BOK: variants seen among roughly 807,000 people sequenced by gnomAD.
BOK encodes the protein BCL2 family apoptosis regulator BOK.
In BOK, 20 loss-of-function variants were observed where a neutral mutation model predicts 18.3. The observed-to-expected ratio is 1.09, with a 90% CI of 0.77 to 1.59. The LOEUF (loss-of-function observed/expected upper bound fraction) is 1.59. BOK is among the 40% of genes most tolerant of loss of function. BOK has a pLI of 0.00. For synonymous variants in BOK, 173 were observed against 142.4 expected, an observed-to-expected ratio of 1.21 and a Z score of -1.53; for missense variants, 348 against 307.9, an observed-to-expected ratio of 1.13 and a Z score of -0.97.
At position 241,562,413 on chromosome 2, in the gene BOK, C is replaced by G. The variant is rs145137590; in HGVS notation, c.286C>G (p.Leu96Val). 3 of 1,612,344 alleles carry G rather than the reference C, an allele frequency of 1.9e-6. No individual in the cohort carries two copies. Among genetic ancestry groups the G allele is most frequent in the Non-Finnish European group, 2.5e-6 (3 of 1,179,900 alleles). Residue 96 changes from leucine (L) to valine (V), a missense_variant, in exon 3 of 5, where the codon CTG becomes GTG. Transcript: ENST00000318407. This position sits in a 1 kb window ranked among gnomAD's most constrained non-coding sequence, Gnocchi z 4.5. ...CGTGGCGCGTCAGCTGCACATCTCC[C>G]TGCAGTCTGAGCCTGTGGTGACCGA... ...RNVARQLHIS[L>V]QSEPVVTDAF...
Position 241,572,631 on chromosome 2 carries a change from C to T in BOK, c.*209C>T. 1 of 681,332 alleles carries T rather than the reference C, an allele frequency of 1.5e-6. No individual in the cohort carries two copies. Among genetic ancestry groups the T allele is most frequent in the Non-Finnish European group, 2.4e-6 (1 of 412,704 alleles). The allele number at this position is 681,332 out of a possible 1,614,324, so 42.2% of individuals were successfully genotyped here. Reference sequence around the variant, plus strand: ...CTGAGCCTGGAGCTGGGCTTTGGGGCAGCCTGCGACCCTCCCCGCTTGTGT... The same window carrying T: ...CTGAGCCTGGAGCTGGGCTTTGGGGTAGCCTGCGACCCTCCCCGCTTGTGT... On this transcript the variant is annotated 3_prime_UTR_variant, in exon 5 of 5. Coordinates refer to ENST00000318407, the MANE Select transcript of BOK (RefSeq NM_032515.5).
At chr2:241,555,407 G>A (rs535826523), upstream of BOK, among the ~76,000 whole-genome samples, 36 of 147,984 alleles carry the variant, frequency 2.4e-4, no homozygotes, top group Admixed American at 3.4e-4. Flanking sequence ...ACAAAGTCTC[G>A]TTCTGTTGCC....
At chr2:241,554,726 C>A (rs1265788952), upstream of BOK, among the ~76,000 whole-genome samples, 2 of 152,238 alleles carry the variant, frequency 1.3e-5, no homozygotes, top group African/African-American at 2.4e-5. Context: ...GACAGTCTGT[C>A]TGAGAGTGGA....
Position 241,570,259 on chromosome 2 carries a change from G to A in BOK, c.484G>A (p.Ala162Thr). The A allele has an allele frequency of 6.3e-7, 1 of 1,579,372 alleles. No individual in the cohort carries two copies. Among genetic ancestry groups the A allele is most frequent in the Non-Finnish European group, 8.6e-7 (1 of 1,164,224 alleles). ...CLGEFVRKTL[A>T]TWLRRRGGWT... ...GGGGGAGTTCGTGCGCAAGACCCTGGCAACCTGGCTGCGGAGACGCGGCGG... is the reference window on the plus strand; with the variant it reads ...GGGGGAGTTCGTGCGCAAGACCCTGACAACCTGGCTGCGGAGACGCGGCGG... Residue 162 changes from alanine to threonine, a missense_variant, in exon 4 of 5, where the codon GCA becomes ACA. Transcript: ENST00000318407.
In BOK at chr2:241,562,979, C is replaced by T. The variant is rs115841724; in HGVS notation, c.349+503C>T. ...TCTGCTGGATTCTGATGGTCAGAAG[C>T]GAGCCTCAGGGCTCCAGCGTCCAGG... On this transcript the variant is annotated intron_variant, in intron 3 of 4. Coordinates refer to ENST00000318407, the MANE Select transcript of BOK (RefSeq NM_032515.5). This position sits in a 1 kb window ranked among gnomAD's most constrained non-coding sequence, Gnocchi z 4.5. 0.16 allele frequency among the ~76,000 whole-genome samples: 24,221 copies of T among 152,196 alleles called. 2,595 individuals carry two copies. The highest frequency in any genetic ancestry group is 0.23 in the Non-Finnish European group (15,971 of 67,976).
rs894945192 is a variant in BOK, at chr2:241,572,535, C to T, written c.*113C>T. ...CCCGAGCCTGGAGCACTCTAACCCT[C>T]GGAGACCCCCTAAGCCCCGTTCCTC... is the stretch of plus-strand genomic sequence containing the variant. On this transcript the variant is annotated 3_prime_UTR_variant, in exon 5 of 5. Transcript: ENST00000318407. 19 of 1,447,946 alleles carry T rather than the reference C, an allele frequency of 1.3e-5. No individual in the cohort carries two copies. Among genetic ancestry groups the T allele is most frequent in the African/African-American group, 9.8e-5 (7 of 71,460 alleles). The allele number at this position is 1,447,946 out of a possible 1,614,324, so 89.7% of individuals were successfully genotyped here. A position where few individuals can be genotyped will look rare whatever the true frequency, so the allele number is the denominator to read the frequency against.
intron 4 of BOK, among the ~76,000 whole-genome samples, chr2:241,571,194 C>A (rs892941232): frequency 6.6e-6 from 1 of 151,774 alleles, no homozygotes; most frequent in African/African-American, 2.4e-5. Context: ...GCTAAGGACC[C>A]GCTGCCCCAG....
At chr2:241,559,365 C>T (rs2066487359) in intron 1 of BOK, 90 bp from the exon 2 acceptor site, 1 of 768,394 alleles carries the variant, frequency 1.3e-6, no homozygotes, top group South Asian at 4.8e-5. Flanking sequence ...CGGCTACGGC[C>T]CTTCCCGAGG....
chr2:241,569,378 G>A (rs7369391), intron 3 of BOK, among the ~76,000 whole-genome samples: 92,249 of 152,026 alleles, frequency 0.61, 28,023 homozygotes, highest in Admixed American at 0.67. Context: ...TGATCTGCCC[G>A]CCTCGGCCTC....
intron 3 of BOK, among the ~76,000 whole-genome samples, chr2:241,564,983 G>A (rs1263156345): frequency 6.6e-6 from 1 of 152,182 alleles, no homozygotes; most frequent in Non-Finnish European, 1.5e-5. Flanking sequence ...TGGGGGCGGT[G>A]CCTAGGAAGG....
Position 241,572,625 on chromosome 2 carries a change from T to TA in BOK, c.*203_*204insA, listed in dbSNP as rs1575006724. The stretch of plus-strand genomic sequence containing the variant: ...GCTTTCCTGAGCCTGGAGCTGGGCT[T>TA]TGGGGCAGCCTGCGACCCTCCCCGC... On this transcript the variant is annotated 3_prime_UTR_variant, in exon 5 of 5. Coordinates refer to ENST00000318407, the MANE Select transcript of BOK (RefSeq NM_032515.5). 17 of 746,586 alleles carry TA rather than the reference T, an allele frequency of 2.3e-5. No individual in the cohort carries two copies. The East Asian group carries it at 4.6e-4, about 20-fold the overall frequency. The allele number at this position is 746,586 out of a possible 1,614,324, so 46.2% of individuals were successfully genotyped here.
At chr2:241,572,147 C>T (rs751301816) in intron 4 of BOK, 150 bp from the exon 5 acceptor site, 4 of 1,292,234 alleles carry the variant, frequency 3.1e-6, no homozygotes, top group Admixed American at 4.7e-5. Flanking sequence ...GCCTTCAGTC[C>T]AGGCCACAGA....
At chr2:241,560,970 G>A (rs1322729574) in intron 2 of BOK, among the ~76,000 whole-genome samples, 1 of 152,214 alleles carries the variant, frequency 6.6e-6, no homozygotes, top group Non-Finnish European at 1.5e-5. Context: ...ACAGGAAGAA[G>A]CCCGGGTTGT....
At chr2:241,562,000 C>G (rs951163719) in intron 2 of BOK, among the ~76,000 whole-genome samples, 46 of 152,244 alleles carry the variant, frequency 3.0e-4, no homozygotes, top group African/African-American at 1.1e-3. Flanking sequence ...CTCTGGGCAG[C>G]TCGGCTGCCT....
At chr2:241,564,320 C>T (rs1167645532) in intron 3 of BOK, among the ~76,000 whole-genome samples, 4 of 152,136 alleles carry the variant, frequency 2.6e-5, no homozygotes, top group East Asian at 1.9e-4. Context: ...AAGCTGGGTG[C>T]GGGCGAGACT....
upstream of BOK, among the ~76,000 whole-genome samples, chr2:241,556,360 A>C (rs1363562013): frequency 4.6e-5 from 7 of 152,312 alleles, no homozygotes; most frequent in African/African-American, 1.7e-4. Context: ...CAAGGCAGGT[A>C]GATCACGAGG....
intron 4 of BOK, among the ~76,000 whole-genome samples, chr2:241,571,313 G>A (rs1041927793): frequency 1.1e-4 from 17 of 152,106 alleles, no homozygotes; most frequent in Admixed American, 7.2e-4. Context: ...CGGCCAGACC[G>A]CAGTTGCCGC....
At position 241,562,181 on chromosome 2, in the gene BOK, A is replaced by G. The variant is rs1195011234; in HGVS notation, c.221-167A>G. 6.6e-6 allele frequency among the ~76,000 whole-genome samples: 1 copy of G among 152,218 alleles called. No individual in the cohort carries two copies. ...GGGGCCAAGGTTGGGGGATGGCCCA[A>G]GGGAGGTCAGATGGGGTCAAGTGGA... On this transcript the variant is annotated intron_variant, in intron 2 of 4. Transcript: ENST00000318407. The surrounding 1 kb of genome is among the most constrained non-coding windows in gnomAD (Gnocchi z 4.5).
At chr2:241,559,879 C>G (rs1176344029) in intron 2 of BOK, among the ~76,000 whole-genome samples, 176 bp downstream of exon 2, 1 of 152,160 alleles carries the variant, frequency 6.6e-6, no homozygotes, top group Non-Finnish European at 1.5e-5. Context: ...TCTCAGGCCT[C>G]CCACGCCACA....
Sources: allele counts gnomAD v4.1 joint callset (sites outside exome capture counted in the v4.1 genomes callset), GRCh38; gene constraint gnomAD v4.1.1; non-coding constraint Gnocchi (gnomAD v3.1); transcripts MANE v1.5; gene names NCBI Gene and HGNC (gene_info 2026-07-23, HGNC 2026-07-21).